Variants in GALNT17 observed in about 807,000 individuals in gnomAD.
GALNT17 encodes UDP-GalNAc:polypeptide N-acetylgalactosaminyltransferase-like 3.
A neutral mutation model predicts 63.7 loss-of-function variants in GALNT17; 29 were observed. That is an observed-to-expected ratio of 0.46 (90% confidence interval 0.34 to 0.62). The LOEUF (loss-of-function observed/expected upper bound fraction) is 0.62, where lower values mean the gene tolerates loss of function less well. Among genes scored for constraint, GALNT17 ranks in the 20% least tolerant of loss-of-function variants. GALNT17 has a pLI of 0.01. For synonymous variants in GALNT17, 305 were observed against 318.3 expected (o/e 0.96, Z 0.45); for missense variants, 603 against 799.6 (o/e 0.75, Z 2.97).
intron 2 of GALNT17, among the ~76,000 whole-genome samples, chr7:71,353,517 C>T (rs543094998): frequency 5.8e-4 from 89 of 152,288 alleles, no homozygotes; most frequent in African/African-American, 2.1e-3. Context: ...CTTTGTCTTT[C>T]ATGACATTGA....
chr7:71,455,206 G>A (rs1165733690), intron 5 of GALNT17, among the ~76,000 whole-genome samples: 4 of 151,872 alleles, frequency 2.6e-5, no homozygotes, highest in Non-Finnish European at 5.9e-5. Context: ...AGTTGTTCAT[G>A]TTGAAACCAT....
chr7:71,376,246 A>AT lies in GALNT17; in HGVS notation c.423-11989_423-11988insT, dbSNP rs775122846. 6.3e-4 allele frequency among the ~76,000 whole-genome samples: 96 copies of AT among 152,068 alleles called. No individual in the cohort carries two copies. The Middle Eastern group carries it at 0.017, about 27-fold the overall frequency. The stretch of plus-strand genomic sequence containing the variant: ...TGTCCCCTCGTTTGACATGTACCAT[A>AT]GAAAGGTTATAGGATTGAATACTAT... On this transcript the variant is annotated intron_variant, in intron 2 of 10. Transcript: ENST00000333538.
intron 5 of GALNT17, among the ~76,000 whole-genome samples, chr7:71,510,145 C>T (rs899214197): frequency 6.6e-6 from 1 of 152,076 alleles, no homozygotes; most frequent in Non-Finnish European, 1.5e-5. Flanking sequence ...TGGGGCCTTG[C>T]TCTATTGCCC....
intron 1 of GALNT17, among the ~76,000 whole-genome samples, chr7:71,303,936 A>G (rs1791244319): frequency 6.6e-6 from 1 of 152,310 alleles, no homozygotes; most frequent in East Asian, 1.9e-4. Flanking sequence ...ACCATGTTAA[A>G]ATGATCTGGA....
chr7:71,378,403 T>G (rs1216452451), intron 2 of GALNT17, among the ~76,000 whole-genome samples: 1 of 151,920 alleles, frequency 6.6e-6, no homozygotes, highest in Non-Finnish European at 1.5e-5. Flanking sequence ...GAAGCCTTGA[T>G]GAGGAGGGAA....
At chr7:71,242,558 G>C (rs1199060586) in intron 1 of GALNT17, among the ~76,000 whole-genome samples, 1 of 152,090 alleles carries the variant, frequency 6.6e-6, no homozygotes, top group Non-Finnish European at 1.5e-5. Context: ...GTGAGCCACC[G>C]CGCCTGGTCA....
At chr7:71,351,348 A>G (rs77465218) in intron 2 of GALNT17, among the ~76,000 whole-genome samples, 1,985 of 152,112 alleles carry the variant, frequency 0.013, 14 homozygotes, top group Non-Finnish European at 0.018. Context: ...TGAATCTGGG[A>G]TTTATTTCAA....
chr7:71,427,966 C>T (rs1786790474), intron 5 of GALNT17, among the ~76,000 whole-genome samples: 1 of 152,170 alleles, frequency 6.6e-6, no homozygotes, highest in Non-Finnish European at 1.5e-5. Context: ...CATCCCCACC[C>T]ACCACCCTTG....
chr7:71,202,127 T>G (rs1789186113), intron 1 of GALNT17, among the ~76,000 whole-genome samples: 1 of 152,170 alleles, frequency 6.6e-6, no homozygotes, highest in Non-Finnish European at 1.5e-5. Context: ...TTTTCTCTCG[T>G]TTTTTTCTGT....
chr7:71,643,644 C>T (rs1208097417), intron 6 of GALNT17, among the ~76,000 whole-genome samples: 1 of 152,176 alleles, frequency 6.6e-6, no homozygotes, highest in African/African-American at 2.4e-5. Flanking sequence ...GCAGTGTCCA[C>T]ACATGAATTC....
intron 5 of GALNT17, among the ~76,000 whole-genome samples, chr7:71,513,442 G>C (rs1788396300): frequency 6.6e-6 from 1 of 151,942 alleles, no homozygotes; most frequent in African/African-American, 2.4e-5. Context: ...CTGGAGTGCA[G>C]TGGCACCATC....
At chr7:71,530,843 C>T (rs1788709376) in intron 5 of GALNT17, among the ~76,000 whole-genome samples, 2 of 152,156 alleles carry the variant, frequency 1.3e-5, no homozygotes, top group Admixed American at 6.6e-5. Flanking sequence ...GCTGGGATTA[C>T]AGGCGTGAGC....
chr7:71,231,244 T>TTC (rs1554341893), intron 1 of GALNT17, among the ~76,000 whole-genome samples: 199 of 151,984 alleles, frequency 1.3e-3, no homozygotes, highest in African/African-American at 4.7e-3. Flanking sequence ...TTTTTTTTTT[T>TTC]CCAGTAGACC....
intron 9 of GALNT17, 115 bp from the exon 10 acceptor site, chr7:71,710,646 G>A (rs2079969): frequency 0.089 from 106,420 of 1,198,416 alleles, 6,449 homozygotes; most frequent in East Asian, 0.29. Context: ...TGGTGGCCAG[G>A]ACTGCAGTAT....
intron 1 of GALNT17, among the ~76,000 whole-genome samples, chr7:71,209,382 A>G (rs1407361848): frequency 6.6e-6 from 1 of 151,546 alleles, no homozygotes; most frequent in Non-Finnish European, 1.5e-5. Flanking sequence ...CTTCACAAAA[A>G]CTCTTAATTA....
intron 1 of GALNT17, among the ~76,000 whole-genome samples, chr7:71,320,006 C>G (rs1393306689): frequency 6.6e-6 from 1 of 152,120 alleles, no homozygotes; most frequent in African/African-American, 2.4e-5. Context: ...TGACACATCC[C>G]TAGTATTTTG....
chr7:71,293,759 A>G (rs1459590493), intron 1 of GALNT17, among the ~76,000 whole-genome samples: 1 of 152,184 alleles, frequency 6.6e-6, no homozygotes, highest in Non-Finnish European at 1.5e-5. Context: ...TGAATATATT[A>G]CTTCACTGTC....
chr7:71,318,391 T>C (rs1791538719), intron 1 of GALNT17, among the ~76,000 whole-genome samples: 1 of 148,768 alleles, frequency 6.7e-6, no homozygotes, highest in Non-Finnish European at 1.5e-5. Flanking sequence ...GCATTCTTCC[T>C]ACGACCATTC....
intron 2 of GALNT17, among the ~76,000 whole-genome samples, chr7:71,364,453 G>A (rs575035833): frequency 1.3e-5 from 2 of 152,280 alleles, no homozygotes; most frequent in Admixed American, 6.5e-5. Flanking sequence ...CTGTGAGGTC[G>A]TTGTATGGGG....
Sources: gnomAD v4.1 joint callset for allele counts (sites outside exome capture counted in the v4.1 genomes callset) on GRCh38, gnomAD v4.1.1 for gene constraint, MANE v1.5 for transcripts, NCBI Gene and HGNC (gene_info 2026-07-23, HGNC 2026-07-21) for gene names.